Variants in ZMAT4 observed in about 807,000 individuals in gnomAD.
ZMAT4 encodes the protein zinc finger matrin-type protein 4.
A neutral mutation model predicts 28.7 loss-of-function variants in ZMAT4; 17 were observed. The ratio of observed to expected loss-of-function variants is 0.59; its 90% CI spans 0.41 to 0.89. The LOEUF (loss-of-function observed/expected upper bound fraction) is 0.89. ZMAT4 is among the 40% of genes least tolerant of loss of function. ZMAT4 has a pLI of 0.00. For synonymous variants in ZMAT4, 117 were observed against 109.2 expected (o/e 1.07, Z -0.44); for missense variants, 240 against 283.8 (o/e 0.85, Z 1.11).
chr8:40,578,382 T>C (rs1804337883), intron 6 of ZMAT4, among the ~76,000 whole-genome samples: 1 of 152,138 alleles, frequency 6.6e-6, no homozygotes, highest in African/African-American at 2.4e-5. Flanking sequence ...AGACCTATAT[T>C]TGTAAGGAAA....
At chr8:40,869,572 G>A (rs1467903503) in intron 1 of ZMAT4, among the ~76,000 whole-genome samples, 2 of 152,190 alleles carry the variant, frequency 1.3e-5, no homozygotes, top group Non-Finnish European at 2.9e-5. Flanking sequence ...AGAACAAAAG[G>A]AGAAAAGGAG....
intron 1 of ZMAT4, among the ~76,000 whole-genome samples, chr8:40,830,238 T>C (rs973859981): frequency 2.0e-5 from 3 of 152,222 alleles, no homozygotes; most frequent in African/African-American, 7.2e-5. Context: ...TTGTTACATA[T>C]GTATACTGCA....
rs184012126 is a variant in ZMAT4 at position 40,882,412 on chromosome 8, G to C, written c.-5+15271C>G. ...TCCTCTCCGGTGTCTTTCTTCCAAA[G>C]AACGCAAAAACCCTGGCCGGCAATA... is the stretch of plus-strand genomic sequence containing the variant. On this transcript the variant is annotated intron_variant, in intron 1 of 6. Coordinates refer to ENST00000297737, the MANE Select transcript of ZMAT4 (RefSeq NM_024645.3). Among the ~76,000 whole-genome samples, 149 of 152,274 alleles carry C rather than the reference G, an allele frequency of 9.8e-4. 1 individual carries two copies. The highest frequency in any genetic ancestry group is 3.3e-3 in the African/African-American group (139 of 41,560).
chr8:40,647,717 A>T (rs2118796698), intron 5 of ZMAT4, among the ~76,000 whole-genome samples: 1 of 152,308 alleles, frequency 6.6e-6, no homozygotes, highest in African/African-American at 2.4e-5. Flanking sequence ...CCCAGCACGC[A>T]GCTGGAGATC....
At chr8:40,763,586 A>G (rs1813024195) in intron 3 of ZMAT4, among the ~76,000 whole-genome samples, 1 of 152,182 alleles carries the variant, frequency 6.6e-6, no homozygotes, top group Admixed American at 6.5e-5. Context: ...AAAATAAGAC[A>G]CCACTTCAAG....
chr8:40,569,878 T>C (rs573595323), intron 6 of ZMAT4, among the ~76,000 whole-genome samples: 1 of 152,198 alleles, frequency 6.6e-6, no homozygotes, highest in African/African-American at 2.4e-5. Context: ...CAGACAACCT[T>C]CTGCCAGCTG....
intron 3 of ZMAT4, among the ~76,000 whole-genome samples, chr8:40,750,475 T>A (rs1812412623): frequency 6.6e-6 from 1 of 151,908 alleles, no homozygotes; most frequent in South Asian, 2.1e-4. Context: ...TCCTCCCAGA[T>A]CCCTCCCTGT....
intron 1 of ZMAT4, among the ~76,000 whole-genome samples, chr8:40,833,061 G>A (rs889927574): frequency 1.3e-5 from 2 of 152,122 alleles, no homozygotes; most frequent in East Asian, 3.9e-4. Context: ...TACCAACAAT[G>A]GGAAAAAGAT....
At chr8:40,697,013 C>G in intron 4 of ZMAT4, 1 of 410,844 alleles carries the variant, frequency 2.4e-6, no homozygotes, top group Non-Finnish European at 4.3e-6. Flanking sequence ...CAAGCTGCTG[C>G]ATTACTTCAT....
At chr8:40,795,556 G>C (rs530389693) in intron 2 of ZMAT4, among the ~76,000 whole-genome samples, 11 of 152,256 alleles carry the variant, frequency 7.2e-5, no homozygotes, top group Admixed American at 2.0e-4. Flanking sequence ...CTCCCTGGGG[G>C]CTCCTTTTAT....
chr8:40,644,104 C>T (rs1051202939), intron 5 of ZMAT4, among the ~76,000 whole-genome samples: 1 of 151,820 alleles, frequency 6.6e-6, no homozygotes, highest in African/African-American at 2.4e-5. Context: ...AAGAGGGAAA[C>T]CATTTAGGAC....
intron 3 of ZMAT4, among the ~76,000 whole-genome samples, chr8:40,720,502 A>G (rs1187642978): frequency 6.7e-6 from 1 of 150,168 alleles, no homozygotes; most frequent in African/African-American, 2.5e-5. Context: ...CAGATAAAAT[A>G]TCAGCATGCC....
chr8:40,557,723 G>A (rs1440221548), intron 6 of ZMAT4, among the ~76,000 whole-genome samples: 3 of 152,062 alleles, frequency 2.0e-5, no homozygotes, highest in African/African-American at 4.8e-5. Flanking sequence ...AGAGTGCAGT[G>A]CCTGCCCTCT....
At chr8:40,750,908 G>GGT (rs1474508998) in intron 3 of ZMAT4, among the ~76,000 whole-genome samples, 1 of 152,214 alleles carries the variant, frequency 6.6e-6, no homozygotes, top group African/African-American at 2.4e-5. Context: ...GTTGCCACCA[G>GGT]AATTCTTTTA....
intron 6 of ZMAT4, 75 bp from the exon 7 acceptor site, chr8:40,532,313 C>T: frequency 2.3e-6 from 3 of 1,330,226 alleles, no homozygotes; most frequent in South Asian, 1.5e-5. Context: ...TCCCCCCCAC[C>T]CCCTGTCTCT....
intron 5 of ZMAT4, among the ~76,000 whole-genome samples, chr8:40,623,788 TC>T (rs1469074711): frequency 3.9e-5 from 6 of 152,146 alleles, no homozygotes; most frequent in Non-Finnish European, 8.8e-5. Flanking sequence ...AAATAAAGGA[TC>T]CCTTCCTTCT....
chr8:40,688,298 A>T (rs113284101), intron 4 of ZMAT4, among the ~76,000 whole-genome samples: 19,408 of 152,042 alleles, frequency 0.13, 1,269 homozygotes, highest in South Asian at 0.19. Flanking sequence ...TCTACTAAAA[A>T]TACAAAAATT....
chr8:40,645,485 C>T (rs116375918), intron 5 of ZMAT4, among the ~76,000 whole-genome samples: 39 of 152,054 alleles, frequency 2.6e-4, no homozygotes, highest in African/African-American at 9.2e-4. Flanking sequence ...AGGTCCATTG[C>T]AGTGATGGTC....
At chr8:40,693,094 C>T (rs928862597) in intron 4 of ZMAT4, among the ~76,000 whole-genome samples, 12 of 152,018 alleles carry the variant, frequency 7.9e-5, no homozygotes, top group Non-Finnish European at 7.4e-5. Context: ...TTAAAGTGTG[C>T]CCTAAACCCA....
Sources: allele counts gnomAD v4.1 joint callset (sites outside exome capture counted in the v4.1 genomes callset), GRCh38; gene constraint gnomAD v4.1.1; transcripts MANE v1.5; gene names NCBI Gene and HGNC (gene_info 2026-07-23, HGNC 2026-07-21).